ANKRD60: variants seen among roughly 807,000 people sequenced by gnomAD.
ANKRD60 encodes ankyrin repeat domain 60.
ANKRD60 carries 24 observed loss-of-function variants against 21.3 expected under a neutral mutation model. That is an observed-to-expected ratio of 1.13 (90% CI 0.82 to 1.59). The LOEUF (loss-of-function observed/expected upper bound fraction) is 1.59, where lower values mean the gene tolerates loss of function less well. Ranked by LOEUF, ANKRD60 falls within the 40% of genes most tolerant of loss-of-function variation. ANKRD60 has a pLI of 0.00. For missense variants in ANKRD60, 490 were observed against 466.7 expected (o/e 1.05, Z -0.46); for synonymous variants, 182 against 199.4 (o/e 0.91, Z 0.74).
intron 1 of ANKRD60, among the ~76,000 whole-genome samples, chr20:58,227,590 C>T (rs561341009): frequency 2.0e-4 from 31 of 151,922 alleles, no homozygotes; most frequent in Non-Finnish European, 4.4e-4. Context: ...ATTTGGGGTT[C>T]GGTGTTGGGC....
At chr20:58,225,231 A>T (rs985332973) in intron 1 of ANKRD60, among the ~76,000 whole-genome samples, 5 of 152,120 alleles carry the variant, frequency 3.3e-5, no homozygotes, top group Non-Finnish European at 5.9e-5. Context: ...GCTCTCTTGG[A>T]TTAATAGCCC....
chr20:58,220,596 C>T (rs1264497160), intron 3 of ANKRD60, among the ~76,000 whole-genome samples: 2 of 150,410 alleles, frequency 1.3e-5, no homozygotes, highest in Non-Finnish European at 3.0e-5. Flanking sequence ...AAAATAATAA[C>T]GAGGCTTGGA....
downstream of ANKRD60, among the ~76,000 whole-genome samples, chr20:58,216,409 G>C (rs1233880268): frequency 6.6e-6 from 1 of 152,180 alleles, no homozygotes; most frequent in African/African-American, 2.4e-5. Context: ...GAAGGCAGCT[G>C]GGCAGAGCTC....
intron 2 of ANKRD60, among the ~76,000 whole-genome samples, chr20:58,222,706 G>C (rs1447126000): frequency 6.6e-6 from 1 of 152,262 alleles, no homozygotes; most frequent in East Asian, 1.9e-4. Flanking sequence ...GCTCTGAGCT[G>C]TACGCTTCTC....
chr20:58,220,404 G>A (rs1262458749), intron 3 of ANKRD60, among the ~76,000 whole-genome samples: 1 of 152,124 alleles, frequency 6.6e-6, no homozygotes, highest in African/African-American at 2.4e-5. Flanking sequence ...GGAGGATAGA[G>A]TGTACACCTA....
At chr20:58,224,221 G>T (rs1984322812) in intron 1 of ANKRD60, among the ~76,000 whole-genome samples, 1 of 152,186 alleles carries the variant, frequency 6.6e-6, no homozygotes, top group African/African-American at 2.4e-5. Flanking sequence ...TGGACTTGGA[G>T]TACCAGAGCT....
Position 58,218,819 on chromosome 20 carries a change from A to T in ANKRD60, c.728-14T>A, listed in dbSNP as rs1302657751. ...GGCAGCTGGCTCCTGTAAAATAAGA[A>T]CATTGGCCAGAAGGAAGACATGCGG... On this transcript the variant is annotated splice_polypyrimidine_tract_variant and intron_variant, in intron 3 of 3. Transcript: ENST00000457363. The T allele has an allele frequency of 2.6e-6, 4 of 1,519,416 alleles. No individual in the cohort carries two copies. The allele number at this position is 1,519,416 out of a possible 1,614,324, so 94.1% of individuals were successfully genotyped here. A position where few individuals can be genotyped will look rare whatever the true frequency, so the allele number is the denominator to read the frequency against.
chr20:58,216,338 A>T (rs1984135079), downstream of ANKRD60, among the ~76,000 whole-genome samples: 1 of 152,200 alleles, frequency 6.6e-6, no homozygotes, highest in African/African-American at 2.4e-5. Context: ...GTAGATGAAG[A>T]TAGAATGCTT....
chr20:58,228,229 T>C lies in ANKRD60; in HGVS notation c.425A>G (p.Asp142Gly). 6.5e-7 allele frequency: 1 copy of C among 1,547,448 alleles called. No individual in the cohort carries two copies. Among genetic ancestry groups the C allele is most frequent in the Non-Finnish European group, 8.7e-7 (1 of 1,144,326 alleles). The change falls in exon 1 of 4, where the codon GAC (aspartate) becomes GGC (glycine). Residue 142 changes from aspartate to glycine, a missense_variant. By Grantham distance (94) the Asp-to-Gly change is moderately conservative (BLOSUM62 -1). Transcript: ENST00000457363. The surrounding 1 kb of genome is among the most constrained non-coding windows in gnomAD (Gnocchi z 5.3). ...GGAGTCAGGGCAGGAGCCACCTTCG[T>C]CGAGGTACTGGAGCCGCTGGAGGTT... is the stretch of plus-strand genomic sequence containing the variant.
rs1984414654 is a variant in ANKRD60 at position 58,228,444 on chromosome 20, G to A, written c.210C>T (p.Arg70=). The change falls in exon 1 of 4, where the codon CGC becomes CGT. Residue 70 remains arginine, a synonymous_variant. Transcript: ENST00000457363. This position sits in a 1 kb window ranked among gnomAD's most constrained non-coding sequence, Gnocchi z 5.3. ...CACAGACGAGCCGCTGGCTCCGGCC[G>A]CGGGCACAGGCCAGGGGCTGCGCGG... 1.3e-6 allele frequency: 2 copies of A among 1,539,780 alleles called. No homozygotes were observed. The highest frequency in any genetic ancestry group is 2.0e-5 in the Admixed American group (1 of 50,886).
chr20:58,218,650 G>A (rs584855), exon 4 of ANKRD60: 1,351,387 of 1,551,672 alleles, frequency 0.87, 597,809 homozygotes, highest in Non-Finnish European at 0.91. Flanking sequence ...TGGTTCAGGC[G>A]GTGTGCAATG....
At chr20:58,219,987 C>T (rs963353804) in intron 3 of ANKRD60, among the ~76,000 whole-genome samples, 2 of 152,200 alleles carry the variant, frequency 1.3e-5, no homozygotes, top group African/African-American at 2.4e-5. Flanking sequence ...GTAACCTTTA[C>T]CCATCACAGA....
intron 2 of ANKRD60, among the ~76,000 whole-genome samples, chr20:58,221,731 A>T (rs775923168): frequency 2.0e-5 from 3 of 152,174 alleles, no homozygotes; most frequent in Non-Finnish European, 1.5e-5. Context: ...ATTCGCCGTC[A>T]GTCAGGCTCG....
intron 1 of ANKRD60, among the ~76,000 whole-genome samples, chr20:58,223,904 C>A (rs1984314336): frequency 6.6e-6 from 1 of 152,106 alleles, no homozygotes; most frequent in Admixed American, 6.5e-5. Context: ...GAGTTCGAGA[C>A]CAGCCTGGGC....
chr20:58,218,534 A>G (rs953961047), exon 4 of ANKRD60: 2 of 1,551,562 alleles, frequency 1.3e-6, no homozygotes, highest in Admixed American at 2.0e-5. Flanking sequence ...ACCTAAACCC[A>G]GACTTGACCC....
intron 1 of ANKRD60, among the ~76,000 whole-genome samples, chr20:58,225,185 A>G (rs1305295611): frequency 6.6e-6 from 1 of 152,142 alleles, no homozygotes; most frequent in African/African-American, 2.4e-5. Context: ...CTGTGACATC[A>G]GTGTTAAGTC....
intron 1 of ANKRD60, among the ~76,000 whole-genome samples, chr20:58,224,391 T>C (rs941432117): frequency 1.3e-5 from 2 of 152,226 alleles, no homozygotes; most frequent in Non-Finnish European, 2.9e-5. Flanking sequence ...AGTGATTACT[T>C]GGTTCCCAGA....
At chr20:58,226,967 A>G (rs747948019) in intron 1 of ANKRD60, among the ~76,000 whole-genome samples, 1 of 152,106 alleles carries the variant, frequency 6.6e-6, no homozygotes, top group Admixed American at 6.5e-5. Flanking sequence ...TGACGTGGGT[A>G]GAGTCTGCTC....
intron 3 of ANKRD60, among the ~76,000 whole-genome samples, chr20:58,220,114 CA>C (rs1190460346): frequency 6.6e-6 from 1 of 152,106 alleles, no homozygotes; most frequent in African/African-American, 2.4e-5. Context: ...AGGCTGGAGC[CA>C]AGGCTGTGAG....
Sources: gnomAD v4.1 joint callset for allele counts (sites outside exome capture counted in the v4.1 genomes callset) on GRCh38, gnomAD v4.1.1 for gene constraint, Gnocchi (gnomAD v3.1) non-coding constraint, MANE v1.5 for transcripts, NCBI Gene and HGNC (gene_info 2026-07-23, HGNC 2026-07-21) for gene names.